Variants in HCFC2 observed in about 807,000 individuals in gnomAD.
HCFC2 encodes host cell factor C2.
HCFC2 carries 18 observed loss-of-function variants against 89.2 expected under a neutral mutation model. That is an observed-to-expected ratio of 0.20 (90% CI 0.14 to 0.30). The LOEUF is 0.30. HCFC2 is among the 10% of genes least tolerant of loss of function. HCFC2 has a pLI of 1.00. For synonymous variants in HCFC2, 308 were observed against 335.7 expected, an observed-to-expected ratio of 0.92 and a Z score of 0.90; for missense variants, 578 against 956.1, an observed-to-expected ratio of 0.60 and a Z score of 5.21.
At chr12:104,091,719 C>T (rs548166382) in intron 9 of HCFC2, among the ~76,000 whole-genome samples, 12 of 152,112 alleles carry the variant, frequency 7.9e-5, no homozygotes, top group Non-Finnish European at 1.5e-4. Flanking sequence ...AAACCAAATT[C>T]GAATTCTAGC....
intron 12 of HCFC2, chr12:104,097,560 A>G (rs1884212658): frequency 2.0e-6 from 1 of 505,948 alleles, no homozygotes; most frequent in Admixed American, 6.4e-5. Flanking sequence ...TAGCCTAAAT[A>G]TTAAAAAAAT....
intron 1 of HCFC2, 117 bp from the exon 2 acceptor site, chr12:104,066,050 C>A: frequency 1.0e-6 from 1 of 991,064 alleles, no homozygotes; most frequent in Non-Finnish European, 1.5e-6. Context: ...CAAATGTCTT[C>A]TGGGGGGCAG....
chr12:104,099,952 C>T (rs1346745163), intron 13 of HCFC2, among the ~76,000 whole-genome samples: 1 of 152,176 alleles, frequency 6.6e-6, no homozygotes, highest in Non-Finnish European at 1.5e-5. Flanking sequence ...CCACCACACC[C>T]AGCCAATGAG....
In HCFC2 at chr12:104,082,550, C is replaced by G. The variant is rs1207579841; in HGVS notation, c.818C>G (p.Thr273Ser). ...CCACATAAGGGGGAAAATACTGAGA[C>G]TTCACCTCATGATTGTGAATGGAGA... is the stretch of plus-strand genomic sequence containing the variant. ...WVPHKGENTETSPHDCEWRCT... is the reference protein window; with the variant it reads ...WVPHKGENTESSPHDCEWRCT... Residue 273 changes from threonine to serine, a missense_variant, in exon 6 of 15, where the codon ACT (threonine) becomes AGT (serine). Thr to Ser is a moderately conservative substitution (Grantham distance 58). Transcript: ENST00000229330. 1 of 1,613,794 alleles carries G rather than the reference C, an allele frequency of 6.2e-7. No individual in the cohort carries two copies. The highest frequency in any genetic ancestry group is 8.5e-7 in the Non-Finnish European group (1 of 1,179,752).
In HCFC2 at chr12:104,103,357, T is replaced by C; in HGVS notation, c.*84T>C. 1 of 1,132,362 alleles carries C rather than the reference T, an allele frequency of 8.8e-7. No homozygotes were observed. Among genetic ancestry groups the C allele is most frequent in the Non-Finnish European group, 1.3e-6 (1 of 796,292 alleles). 70.1% of individuals were successfully genotyped at this position (1,132,362 alleles called of 1,614,324 possible). ...AGATTTGTCATTTAAAAGAGTATTC[T>C]CTGGCTGTATTTCCAGCAGTTATGA... On this transcript the variant is annotated 3_prime_UTR_variant, in exon 15 of 15. Coordinates refer to ENST00000229330, the MANE Select transcript of HCFC2 (RefSeq NM_013320.3).
In HCFC2 at chr12:104,096,444, G is replaced by A. The variant is rs1884180780; in HGVS notation, c.1740+11G>A. Reference sequence around the variant, plus strand: ...GCAACGCCGTTTTCTGTAAGTACATGACCTGGTGATGATGCATGTTTACAC... The same window carrying A: ...GCAACGCCGTTTTCTGTAAGTACATAACCTGGTGATGATGCATGTTTACAC... On this transcript the variant is annotated intron_variant, in intron 12 of 14. Coordinates refer to ENST00000229330, the MANE Select transcript of HCFC2 (RefSeq NM_013320.3). 6.3e-7 allele frequency: 1 copy of A among 1,592,054 alleles called. No homozygotes were observed. Among genetic ancestry groups the A allele is most frequent in the African/African-American group, 1.3e-5 (1 of 74,570 alleles).
At chr12:104,090,210 G>A (rs1200225535) in intron 9 of HCFC2, among the ~76,000 whole-genome samples, 3 of 152,070 alleles carry the variant, frequency 2.0e-5, no homozygotes, top group African/African-American at 7.2e-5. Context: ...TAGTTTGGCT[G>A]GCTTATAGAA....
chr12:104,103,614 G>T lies in HCFC2; in HGVS notation c.*341G>T, dbSNP rs2030012560. 1 of 236,034 alleles carries T rather than the reference G, an allele frequency of 4.2e-6. No homozygotes were observed. The highest frequency in any genetic ancestry group is 7.2e-5 in the South Asian group (1 of 13,974). 14.6% of individuals were successfully genotyped at this position (236,034 alleles called of 1,614,324 possible). A position where few individuals can be genotyped will look rare whatever the true frequency, so the allele number is the denominator to read the frequency against. ...TCCTAGAGTTATTGAGATGATTCTG[G>T]TAACTGGCTGTTGTATACTATGCTG... On this transcript the variant is annotated 3_prime_UTR_variant, in exon 15 of 15. Transcript: ENST00000229330.
intron 3 of HCFC2, among the ~76,000 whole-genome samples, chr12:104,069,637 T>C (rs571316219): frequency 2.0e-5 from 3 of 152,242 alleles, no homozygotes; most frequent in African/African-American, 4.8e-5. Flanking sequence ...TGGCAAATGG[T>C]AGTATATTTT....
chr12:104,101,093 A>C (rs1441390725), intron 13 of HCFC2, among the ~76,000 whole-genome samples: 2 of 152,168 alleles, frequency 1.3e-5, no homozygotes, highest in African/African-American at 2.4e-5. Context: ...AATATGTAAA[A>C]ATTGTTTGAA....
chr12:104,094,845 C>T (rs1884128715), intron 10 of HCFC2, among the ~76,000 whole-genome samples: 1 of 152,062 alleles, frequency 6.6e-6, no homozygotes, highest in African/African-American at 2.4e-5. Flanking sequence ...TCTGAAAACC[C>T]TGAAGAGAGA....
At chr12:104,098,535 T>A in intron 13 of HCFC2, 55 bp downstream of exon 13, 1 of 1,487,128 alleles carries the variant, frequency 6.7e-7, no homozygotes, top group African/African-American at 1.4e-5. Context: ...GGATGAGATT[T>A]TTCTCTACCA....
intron 3 of HCFC2, among the ~76,000 whole-genome samples, chr12:104,075,810 G>T (rs888491460): frequency 6.6e-5 from 10 of 151,966 alleles, no homozygotes; most frequent in Admixed American, 6.6e-5. Flanking sequence ...CTAATAATTT[G>T]AATGCTCATT....
intron 9 of HCFC2, among the ~76,000 whole-genome samples, chr12:104,091,157 G>C (rs1031189924): frequency 6.6e-6 from 1 of 152,146 alleles, no homozygotes; most frequent in South Asian, 2.1e-4. Flanking sequence ...CCTCATACTT[G>C]TATCACTTGA....
At chr12:104,101,535 G>A (rs2029938834) in intron 13 of HCFC2, among the ~76,000 whole-genome samples, 1 of 151,968 alleles carries the variant, frequency 6.6e-6, no homozygotes, top group Non-Finnish European at 1.5e-5. Flanking sequence ...CCTTTTCTAT[G>A]AAGCTTGCTT....
At chr12:104,087,077 G>T in intron 8 of HCFC2, 63 bp downstream of exon 8, 1 of 1,519,310 alleles carries the variant, frequency 6.6e-7, no homozygotes. Context: ...TATACTGGCC[G>T]GGCGCGGTGG....
intron 10 of HCFC2, among the ~76,000 whole-genome samples, chr12:104,093,932 C>G (rs1000669227): frequency 3.9e-5 from 6 of 151,960 alleles, no homozygotes; most frequent in Non-Finnish European, 8.8e-5. Flanking sequence ...AAAGCAGTGG[C>G]TGAAATGGAG....
In HCFC2 at chr12:104,103,500, C is replaced by A; in HGVS notation, c.*227C>A. The A allele has an allele frequency of 2.2e-6, 1 of 462,800 alleles. No individual in the cohort carries two copies. The highest frequency in any genetic ancestry group is 3.8e-6 in the Non-Finnish European group (1 of 262,098). 28.7% of individuals were successfully genotyped at this position (462,800 alleles called of 1,614,324 possible). On this transcript the variant is annotated 3_prime_UTR_variant, in exon 15 of 15. Coordinates refer to ENST00000229330, the MANE Select transcript of HCFC2 (RefSeq NM_013320.3). Reference sequence around the variant, plus strand: ...TGAGTTCTTCCTTACAGATATAGCTCTTTTATAAAGAAAAACAGTGAAATT... The same window carrying A: ...TGAGTTCTTCCTTACAGATATAGCTATTTTATAAAGAAAAACAGTGAAATT...
chr12:104,092,731 AC>A (rs1884057576), intron 9 of HCFC2, among the ~76,000 whole-genome samples: 1 of 151,918 alleles, frequency 6.6e-6, no homozygotes, highest in African/African-American at 2.4e-5. Context: ...CTGAGATCAC[AC>A]CATTGTACTC....
Sources: allele counts gnomAD v4.1 joint callset (sites outside exome capture counted in the v4.1 genomes callset), GRCh38; gene constraint gnomAD v4.1.1; transcripts MANE v1.5; gene names NCBI Gene and HGNC (gene_info 2026-07-23, HGNC 2026-07-21).